KDM2B: variants seen among roughly 807,000 people sequenced by gnomAD.
The protein encoded by KDM2B is lysine demethylase 2B.
KDM2B carries 26 observed loss-of-function variants against 150.0 expected under a neutral mutation model. The observed-to-expected ratio is 0.17, with a 90% CI of 0.13 to 0.24. The LOEUF (loss-of-function observed/expected upper bound fraction) is 0.24, where lower values mean the gene tolerates loss of function less well. Among genes scored for constraint, KDM2B ranks in the 10% least tolerant of loss-of-function variants. KDM2B has a pLI of 1.00. For synonymous variants in KDM2B, 734 were observed against 729.5 expected (o/e 1.01, Z -0.10); for missense variants, 1,265 against 1,816.9 (o/e 0.70, Z 5.52).
intron 6 of KDM2B, among the ~76,000 whole-genome samples, chr12:121,540,874 T>C (rs1485537762): frequency 1.3e-5 from 2 of 151,058 alleles, no homozygotes; most frequent in African/African-American, 2.4e-5. Context: ...GTCTCCCCCA[T>C]AGCATGGGAA....
At chr12:121,465,914 AAT>A (rs1879833270) in intron 12 of KDM2B, among the ~76,000 whole-genome samples, 6 of 152,228 alleles carry the variant, frequency 3.9e-5, no homozygotes, top group African/African-American at 1.4e-4. Flanking sequence ...CTACTGACTT[AAT>A]AAAAGTTCAA....
chr12:121,442,358 G>A lies in KDM2B; in HGVS notation c.3083C>T (p.Pro1028Leu), dbSNP rs782463722. Residue 1028 changes from proline to leucine, a missense_variant, in exon 19 of 23, where the codon CCC becomes CTC. By Grantham distance (98) the Pro-to-Leu change is moderately conservative (BLOSUM62 -3). This residue lies in a region of KDM2B where 418 missense variants were observed against 402.4 expected (regional missense o/e 1.04). Coordinates refer to ENST00000377071, the MANE Select transcript of KDM2B (RefSeq NM_032590.5). The surrounding 1 kb of genome is among the most constrained non-coding windows in gnomAD (Gnocchi z 7.7). ...GATACACTTGGGCGGGGACACGGAGGGTGGGGGCCGGGAGATGACACGGGG... is the reference window on the plus strand; with the variant it reads ...GATACACTTGGGCGGGGACACGGAGAGTGGGGGCCGGGAGATGACACGGGG... ...SPPRVISRPP[P>L]SVSPPKCIQM... is the part of the protein sequence containing the mutation. 2.5e-6 allele frequency: 4 copies of A among 1,583,954 alleles called. No individual in the cohort carries two copies. The highest frequency in any genetic ancestry group is 3.4e-6 in the Non-Finnish European group (4 of 1,161,932).
At chr12:121,546,928 C>G (rs1555310796) in intron 6 of KDM2B, among the ~76,000 whole-genome samples, 2 of 151,488 alleles carry the variant, frequency 1.3e-5, no homozygotes, top group Non-Finnish European at 2.9e-5. Context: ...ACTCCTGACC[C>G]CAGGTGATCT....
At chr12:121,415,050 C>G in the KDM2B span, among the ~76,000 whole-genome samples, 18 of 151,888 alleles carry the variant, frequency 1.2e-4, no homozygotes, top group Admixed American at 9.8e-4. Context: ...GAGCCGAGAT[C>G]ACGCCATTAC....
At chr12:121,471,082 T>G (rs1276313505) in intron 12 of KDM2B, among the ~76,000 whole-genome samples, 3 of 152,236 alleles carry the variant, frequency 2.0e-5, no homozygotes, top group Non-Finnish European at 4.4e-5. Context: ...CTGTTTTGTA[T>G]TAATAGTGTG....
intron 17 of KDM2B, 91 bp from the exon 18 acceptor site, chr12:121,443,121 C>A: frequency 7.7e-7 from 1 of 1,299,696 alleles, no homozygotes; most frequent in South Asian, 1.3e-5. Flanking sequence ...AGTCCACAGT[C>A]TCCAGAGGAG....
rs1555292045 is a variant in KDM2B at position 121,453,206 on chromosome 12, C to T, written c.1873G>A (p.Gly625Arg). ...ATGTCCTTGCAGAAGTGGCACTCTC[C>T]GCACTCGGTCCGCAGGCAGGCCTCG... ...KCEACLRTEC[G>R]ECHFCKDMKK... Residue 625 changes from glycine (G) to arginine (R), a missense_variant, in exon 13 of 23, where the codon GGA becomes AGA. Coordinates refer to ENST00000377071, the MANE Select transcript of KDM2B (RefSeq NM_032590.5). This position sits in a 1 kb window ranked among gnomAD's most constrained non-coding sequence, Gnocchi z 6.4. 3 of 1,613,086 alleles carry T rather than the reference C, an allele frequency of 1.9e-6. No homozygotes were observed. Among genetic ancestry groups the T allele is most frequent in the Non-Finnish European group, 1.7e-6 (2 of 1,179,554 alleles).
intron 12 of KDM2B, among the ~76,000 whole-genome samples, chr12:121,489,309 A>T (rs1476376746): frequency 2.0e-5 from 3 of 151,502 alleles, no homozygotes; most frequent in Non-Finnish European, 2.9e-5. Context: ...ACACTCTGTC[A>T]CCCAGGCTGG....
chr12:121,452,813 A>C lies in KDM2B; in HGVS notation c.1959+307T>G, dbSNP rs1005620605. Among the ~76,000 whole-genome samples, 4 of 152,190 alleles carry C rather than the reference A, an allele frequency of 2.6e-5. No homozygotes were observed. Among genetic ancestry groups the C allele is most frequent in the Admixed American group, 2.0e-4 (3 of 15,288 alleles). ...TCTGAAGGCAGGGCCGGAAGGAAGG[A>C]AGGAAGGGCCCAGAACCGTCACCCA... is the stretch of plus-strand genomic sequence containing the variant. On this transcript the variant is annotated intron_variant, in intron 13 of 22. Coordinates refer to ENST00000377071, the MANE Select transcript of KDM2B (RefSeq NM_032590.5). The surrounding 1 kb of genome is among the most constrained non-coding windows in gnomAD (Gnocchi z 4.4).
chr12:121,494,789 C>G (rs1010832271), intron 11 of KDM2B, 124 bp from the exon 12 acceptor site: 1 of 622,378 alleles, frequency 1.6e-6, no homozygotes, highest in South Asian at 2.1e-5. Flanking sequence ...CCATTGACTC[C>G]ACCACCACCC....
rs555514424 is a variant in KDM2B, at chr12:121,450,641, C to T, written c.1959+2479G>A. 3.9e-4 allele frequency among the ~76,000 whole-genome samples: 59 copies of T among 152,164 alleles called. No individual in the cohort carries two copies. The South Asian group carries it at 0.012, about 31-fold the overall frequency. On this transcript the variant is annotated intron_variant, in intron 13 of 22. Transcript: ENST00000377071. ...TTGGGAGGCCGAGGCGGGTGGATCA[C>T]GAGGTCAGGAGATCCAGACCATCCT...
chr12:121,450,043 C>T (rs953359863), intron 13 of KDM2B, among the ~76,000 whole-genome samples: 33 of 152,162 alleles, frequency 2.2e-4, no homozygotes, highest in African/African-American at 8.0e-4. Context: ...CGATCTAGGC[C>T]AGATGCACTG....
intron 4 of KDM2B, among the ~76,000 whole-genome samples, chr12:121,555,710 T>C (rs1291694383): frequency 6.6e-6 from 1 of 152,052 alleles, no homozygotes; most frequent in African/African-American, 2.4e-5. Context: ...GTAAGTGATA[T>C]AGTTTGGATA....
intron 11 of KDM2B, among the ~76,000 whole-genome samples, chr12:121,502,012 G>A (rs1021717219): frequency 2.6e-5 from 4 of 152,256 alleles, no homozygotes; most frequent in South Asian, 2.1e-4. Context: ...AGAAGAGGCC[G>A]CATCAATGAA....
At chr12:121,466,802 G>T (rs1880039272) in intron 12 of KDM2B, among the ~76,000 whole-genome samples, 1 of 146,146 alleles carries the variant, frequency 6.8e-6, no homozygotes. Flanking sequence ...GGGCGAGGGC[G>T]CCGGGGGAGG....
intron 12 of KDM2B, among the ~76,000 whole-genome samples, chr12:121,472,338 C>A (rs544375011): frequency 2.6e-5 from 4 of 152,294 alleles, no homozygotes; most frequent in Admixed American, 1.3e-4. Flanking sequence ...AACTTTCTAA[C>A]CACTTAACAT....
At chr12:121,473,112 T>G (rs868933568) in intron 12 of KDM2B, among the ~76,000 whole-genome samples, 11 of 152,258 alleles carry the variant, frequency 7.2e-5, no homozygotes, top group Non-Finnish European at 1.3e-4. Flanking sequence ...GATGACAGGT[T>G]GGGCGCAGTG....
At chr12:121,532,764 C>T in intron 8 of KDM2B, 42 bp downstream of exon 8, 2 of 1,607,340 alleles carry the variant, frequency 1.2e-6, no homozygotes, top group Non-Finnish European at 1.7e-6. Context: ...GCTCAGGCCG[C>T]AGGAGACTCG....
chr12:121,420,273 A>G, the KDM2B span: 1 of 1,603,558 alleles, frequency 6.2e-7, no homozygotes, highest in Non-Finnish European at 8.5e-7. Flanking sequence ...GCAAACACAG[A>G]AGATGATGAT....
Sources: allele counts gnomAD v4.1 joint callset (sites outside exome capture counted in the v4.1 genomes callset), GRCh38; gene constraint gnomAD v4.1.1; regional missense constraint gnomAD v4.1.1; non-coding constraint Gnocchi (gnomAD v3.1); transcripts MANE v1.5; gene names NCBI Gene and HGNC (gene_info 2026-07-23, HGNC 2026-07-21).